CCDC83: variants seen among roughly 807,000 people sequenced by gnomAD.
CCDC83 encodes the protein coiled-coil domain-containing protein 83.
A neutral mutation model predicts 50.1 loss-of-function variants in CCDC83; 54 were observed. That is an observed-to-expected ratio of 1.08 (90% CI 0.87 to 1.35). The LOEUF is 1.35. CCDC83 is among the 40% of genes most tolerant of loss of function. CCDC83 has a pLI of 0.00. For synonymous variants in CCDC83, 161 were observed against 153.3 expected (o/e 1.05, Z -0.37); for missense variants, 518 against 473.9 (o/e 1.09, Z -0.86).
At chr11:85,891,962 TA>T (rs2093352388) in intron 5 of CCDC83, among the ~76,000 whole-genome samples, 1 of 152,162 alleles carries the variant, frequency 6.6e-6, no homozygotes, top group East Asian at 1.9e-4. Context: ...GGGGCGGCTC[TA>T]AAAAGATTAC....
chr11:85,904,378 T>C (rs2093415930), intron 7 of CCDC83, among the ~76,000 whole-genome samples: 1 of 152,156 alleles, frequency 6.6e-6, no homozygotes, highest in African/African-American at 2.4e-5. Context: ...TGGAATTCTG[T>C]TTCTTAGTAG....
intron 5 of CCDC83, among the ~76,000 whole-genome samples, chr11:85,894,986 G>A (rs2093365990): frequency 6.6e-6 from 1 of 152,160 alleles, no homozygotes; most frequent in African/African-American, 2.4e-5. Context: ...ATTTCTGTCT[G>A]TATTTCTCAC....
chr11:85,899,494 A>G (rs1268989170), intron 7 of CCDC83, among the ~76,000 whole-genome samples: 1 of 152,116 alleles, frequency 6.6e-6, no homozygotes, highest in Non-Finnish European at 1.5e-5. Context: ...TCTTACTTCC[A>G]TATCTCCTTA....
intron 2 of CCDC83, among the ~76,000 whole-genome samples, chr11:85,868,231 T>A (rs2093218621): frequency 6.6e-6 from 1 of 152,270 alleles, no homozygotes; most frequent in Admixed American, 6.5e-5. Flanking sequence ...TGATGGTTTT[T>A]ATTTTCTCCT....
At chr11:85,866,661 CAAAACA>C (rs1425955276) in intron 2 of CCDC83, among the ~76,000 whole-genome samples, 1 of 114,180 alleles carries the variant, frequency 8.8e-6, no homozygotes, top group Non-Finnish European at 1.9e-5. Context: ...CTCAAAAAAA[CAAAACA>C]AAAAAAAAAA....
At chr11:85,898,843 A>G (rs1592176583) in intron 6 of CCDC83, 104 bp from the exon 7 acceptor site, 4 of 809,032 alleles carry the variant, frequency 4.9e-6, no homozygotes, top group Non-Finnish European at 8.4e-6. Flanking sequence ...AAGTAATTGC[A>G]GACACAATCT....
In CCDC83 at chr11:85,919,569, GTA is replaced by G; in HGVS notation, c.*63_*64del. 3 of 1,279,962 alleles carry G rather than the reference GTA, an allele frequency of 2.3e-6. No homozygotes were observed. Among genetic ancestry groups the G allele is most frequent in the Non-Finnish European group, 3.3e-6 (3 of 909,444 alleles). The allele number at this position is 1,279,962 out of a possible 1,614,324, so 79.3% of individuals were successfully genotyped here. On this transcript the variant is annotated 3_prime_UTR_variant, in exon 11 of 11. Coordinates refer to ENST00000342404, the MANE Select transcript of CCDC83 (RefSeq NM_001286159.2). Reference sequence around the variant, plus strand: ...TTATAAATGTTCTTTGGGAACTGAAGTATATCCGTTGCCCATTTTACTTACAC... The same window carrying G: ...TTATAAATGTTCTTTGGGAACTGAAGTATCCGTTGCCCATTTTACTTACAC...
chr11:85,857,776 C>T (rs1198867639), intron 1 of CCDC83, among the ~76,000 whole-genome samples: 1 of 152,144 alleles, frequency 6.6e-6, no homozygotes, highest in Non-Finnish European at 1.5e-5. Context: ...TGCCCAGGCC[C>T]TGTGGGGTTT....
chr11:85,912,043 G>T (rs750102289), intron 8 of CCDC83, among the ~76,000 whole-genome samples: 1 of 151,626 alleles, frequency 6.6e-6, no homozygotes, highest in Non-Finnish European at 1.5e-5. Flanking sequence ...AATTCAAAAT[G>T]GCACTCATAA....
Position 85,898,969 on chromosome 11 carries a change from AG to A in CCDC83, c.629del (p.Gly210AlafsTer4). The A allele has an allele frequency of 6.2e-7, 1 of 1,612,466 alleles. No homozygotes were observed. The highest frequency in any genetic ancestry group is 8.5e-7 in the Non-Finnish European group (1 of 1,179,032). On this transcript the variant is annotated frameshift_variant, in exon 7 of 11. Coordinates refer to ENST00000342404, the MANE Select transcript of CCDC83 (RefSeq NM_001286159.2). LOFTEE classifies it high-confidence loss of function. ...TAGAATGCTGTAAAGCTCATTGACA[AG>A]GGCAGTTATCTAGAGATCTGGGAGA... is the stretch of plus-strand genomic sequence containing the variant. ...ATQNAVKLID[K>X]GSYLEIWEND...
At chr11:85,890,843 C>T (rs981753893) in intron 5 of CCDC83, among the ~76,000 whole-genome samples, 2 of 152,142 alleles carry the variant, frequency 1.3e-5, no homozygotes, top group East Asian at 1.9e-4. Flanking sequence ...ACTAATTACT[C>T]ATTGGAGGAC....
chr11:85,882,679 A>T lies in CCDC83; in HGVS notation c.343+4A>T. 6.2e-7 allele frequency: 1 copy of T among 1,612,586 alleles called. No homozygotes were observed. The highest frequency in any genetic ancestry group is 8.5e-7 in the Non-Finnish European group (1 of 1,179,202). On this transcript the variant is annotated splice_donor_region_variant and intron_variant, in intron 4 of 10. Transcript: ENST00000342404. ...GACCAGGAAAAAAACTTGAGAGGTG[A>T]TTTAGGAACATAGAAAACTATCATA...
chr11:85,915,342 T>C, intron 8 of CCDC83, 77 bp from the exon 9 acceptor site: 3 of 996,324 alleles, frequency 3.0e-6, no homozygotes, highest in Non-Finnish European at 4.7e-6. Flanking sequence ...TAGCACCTAG[T>C]AGAGAGATAG....
intron 2 of CCDC83, among the ~76,000 whole-genome samples, chr11:85,869,243 T>C (rs2153682938): frequency 6.6e-6 from 1 of 152,346 alleles, no homozygotes; most frequent in Non-Finnish European, 1.5e-5. Flanking sequence ...ATAGGAACTC[T>C]TTCCCGGAAC....
At chr11:85,866,048 T>G (rs2093204982) in intron 2 of CCDC83, among the ~76,000 whole-genome samples, 1 of 152,202 alleles carries the variant, frequency 6.6e-6, no homozygotes, top group African/African-American at 2.4e-5. Flanking sequence ...TAATAAAATT[T>G]TATAATGTCT....
At chr11:85,917,190 A>AAGAAAGAAAG (rs1565160105) in intron 10 of CCDC83, among the ~76,000 whole-genome samples, 1 of 89,614 alleles carries the variant, frequency 1.1e-5, no homozygotes, top group Non-Finnish European at 2.3e-5. Context: ...GAAAGAAAGA[A>AAGAAAGAAAG]AGAGAAAGAA....
intron 4 of CCDC83, among the ~76,000 whole-genome samples, chr11:85,883,082 A>T (rs1407940048): frequency 6.6e-6 from 1 of 151,728 alleles, no homozygotes; most frequent in Non-Finnish European, 1.5e-5. Context: ...TATGCCTGAG[A>T]ATTTTGTTCC....
chr11:85,859,267 C>A (rs1470035593), intron 1 of CCDC83, among the ~76,000 whole-genome samples: 1 of 147,518 alleles, frequency 6.8e-6, no homozygotes, highest in African/African-American at 2.5e-5. Context: ...GAGATGAACA[C>A]AAACAAATGG....
chr11:85,876,821 T>G (rs1202565323), intron 3 of CCDC83, among the ~76,000 whole-genome samples: 1 of 152,208 alleles, frequency 6.6e-6, no homozygotes, highest in East Asian at 1.9e-4. Flanking sequence ...CTTGTTCTTA[T>G]GAGTCTTAAA....
Sources: allele counts gnomAD v4.1 joint callset (sites outside exome capture counted in the v4.1 genomes callset), GRCh38; gene constraint gnomAD v4.1.1; transcripts MANE v1.5; gene names NCBI Gene and HGNC (gene_info 2026-07-23, HGNC 2026-07-21).